MANBA: variants seen among roughly 807,000 people sequenced by gnomAD.
MANBA encodes the protein mannosidase beta.
A neutral mutation model predicts 111.1 loss-of-function variants in MANBA; 83 were observed. That is an observed-to-expected ratio of 0.75 (90% CI 0.63 to 0.90). The LOEUF (loss-of-function observed/expected upper bound fraction) is 0.90, where lower values mean the gene tolerates loss of function less well. Ranked by LOEUF, MANBA falls within the 40% of genes least tolerant of loss-of-function variation. The probability of loss-of-function intolerance (pLI) is 0.00; values close to 1 mark genes in which losing one functional copy is unlikely to be tolerated. For synonymous variants in MANBA, 370 were observed against 378.7 expected (o/e 0.98, Z 0.27); for missense variants, 1,036 against 1,069.0 (o/e 0.97, Z 0.43).
In MANBA at chr4:102,634,897, C is replaced by T. The variant is rs1173678046; in HGVS notation, c.2306G>A (p.Cys769Tyr). Residue 769 changes from cysteine (C) to tyrosine (Y), a missense_variant, in exon 16 of 17, where the codon TGT (cysteine) becomes TAT (tyrosine). Cys to Tyr is a radical substitution (Grantham distance 194, BLOSUM62 -2). Coordinates refer to ENST00000647097, the MANE Select transcript of MANBA (RefSeq NM_005908.4). ...AGCTGAAAGGTAAAAGGAAACCACA[C>T]AGCTTTCCCGTGTGCAATTCCCACA... ...RRCGNCTRES[C>Y]VVSFYLSADH... 2 of 1,614,230 alleles carry T rather than the reference C, an allele frequency of 1.2e-6. No individual in the cohort carries two copies. Among genetic ancestry groups the T allele is most frequent in the Admixed American group, 1.7e-5 (1 of 60,022 alleles).
At chr4:102,750,664 A>G (rs1245680439) in intron 1 of MANBA, among the ~76,000 whole-genome samples, 1 of 152,164 alleles carries the variant, frequency 6.6e-6, no homozygotes, top group Non-Finnish European at 1.5e-5. Context: ...TGTAATCCCT[A>G]CACTTTGGGA....
chr4:102,664,571 C>T (rs892503510), intron 11 of MANBA, 114 bp downstream of exon 11: 301 of 910,612 alleles, frequency 3.3e-4, no homozygotes, highest in Non-Finnish European at 4.9e-4. Flanking sequence ...ATCTCCTGAC[C>T]TTGTGATCCG....
rs977224425 is a variant in MANBA at position 102,649,615 on chromosome 4, T to C, written c.1869+922A>G. On this transcript the variant is annotated intron_variant, in intron 13 of 16. Coordinates refer to ENST00000647097, the MANE Select transcript of MANBA (RefSeq NM_005908.4). ...TTAAATAGATTGTCTGACTTTTTCT[T>C]ATTGCTTTATTCTGGATACAAATCT... Among the ~76,000 whole-genome samples, 8 of 152,310 alleles carry C rather than the reference T, an allele frequency of 5.3e-5. No individual in the cohort carries two copies. In the East Asian group the frequency reaches 1.5e-3, roughly 29 times the overall value.
At chr4:102,684,103 T>A (rs1732101269) in intron 7 of MANBA, among the ~76,000 whole-genome samples, 1 of 148,748 alleles carries the variant, frequency 6.7e-6, no homozygotes, top group East Asian at 1.9e-4. Context: ...CCTGATATAC[T>A]CAGTTAAAAA....
Position 102,635,042 on chromosome 4 carries a change from T to A in MANBA, c.2161A>T (p.Arg721Ter). ...HSDYSMTLSV[R>*]VHTWSSLEPV... ...TCCAGGGAGCTCCATGTATGGACTC[T>A]CACCTGGGGAGAAATAAAACAGAAT... is the stretch of plus-strand genomic sequence containing the variant. Residue 721 changes from arginine to a stop codon, truncating the protein, a stop_gained, in exon 16 of 17, where the codon AGA becomes TGA. Coordinates refer to ENST00000647097, the MANE Select transcript of MANBA (RefSeq NM_005908.4). LOFTEE classifies it high-confidence loss of function. 1 of 1,614,042 alleles carries A rather than the reference T, an allele frequency of 6.2e-7. No individual in the cohort carries two copies.
rs376032278 is a variant in MANBA at position 102,689,708 on chromosome 4, C to T, written c.850-24G>A. On this transcript the variant is annotated intron_variant, in intron 6 of 16. Transcript: ENST00000647097. ...TTCTTTTAAGAAAATTTAAAAGTCA[C>T]TCTAATATGTCATATTTTCAGCAAA... 103 of 1,346,738 alleles carry T rather than the reference C, an allele frequency of 7.6e-5. 2 individuals are homozygous for T. In the Middle Eastern group the frequency reaches 1.3e-3, roughly 16 times the overall value. 83.4% of individuals were successfully genotyped at this position (1,346,738 alleles called of 1,614,324 possible).
chr4:102,632,245 C>G lies in MANBA; in HGVS notation c.2452G>C (p.Asp818His), dbSNP rs755476772. Residue 818 changes from aspartate to histidine, a missense_variant, in exon 17 of 17, where the codon GAC (aspartate) becomes CAC (histidine). By Grantham distance (81) the Asp-to-His change is moderately conservative. Coordinates refer to ENST00000647097, the MANE Select transcript of MANBA (RefSeq NM_005908.4). ...GGAGCGACAGCTGAGGTCTCCAGGT[C>G]AAAAACAAATATGTCACCTTGCTGA... ...ISQQGDIFVF[D>H]LETSAVAPFV... 5 of 1,611,414 alleles carry G rather than the reference C, an allele frequency of 3.1e-6. No homozygotes were observed. The Admixed American group carries it at 8.4e-5, about 27-fold the overall frequency.
At chr4:102,654,153 A>G (rs2110206612) in intron 12 of MANBA, among the ~76,000 whole-genome samples, 1 of 152,264 alleles carries the variant, frequency 6.6e-6, no homozygotes, top group East Asian at 1.9e-4. Context: ...AGTACGTGGT[A>G]CACAGCAATT....
In MANBA at chr4:102,673,793, G is replaced by A. The variant is rs6827148; in HGVS notation, c.1112+126C>T. ...TCCTGTCCATTCTGAAGTTTCCATCGTCTAGAATTCTATACTACCTCTTAG... is the reference window on the plus strand; with the variant it reads ...TCCTGTCCATTCTGAAGTTTCCATCATCTAGAATTCTATACTACCTCTTAG... On this transcript the variant is annotated intron_variant, in intron 8 of 16. Coordinates refer to ENST00000647097, the MANE Select transcript of MANBA (RefSeq NM_005908.4). 0.019 allele frequency: 16,005 copies of A among 860,528 alleles called. 1,448 individuals carry two copies. The African/African-American group carries it at 0.22, about 12-fold the overall frequency. The allele number at this position is 860,528 out of a possible 1,614,324, so 53.3% of individuals were successfully genotyped here.
intron 1 of MANBA, among the ~76,000 whole-genome samples, chr4:102,746,984 AAAAG>A (rs1723610911): frequency 6.6e-6 from 1 of 151,598 alleles, no homozygotes; most frequent in African/African-American, 2.4e-5. Context: ...AAAAAAAAAA[AAAAG>A]AAAGAAAAAG....
At chr4:102,752,608 A>T (rs776543293) in intron 1 of MANBA, 1 of 610,210 alleles carries the variant, frequency 1.6e-6, no homozygotes, top group Non-Finnish European at 3.2e-6. Flanking sequence ...ATTCCTACAG[A>T]TATTCACCTA....
chr4:102,669,143 A>G, intron 9 of MANBA, 94 bp from the exon 10 acceptor site: 1 of 993,284 alleles, frequency 1.0e-6, no homozygotes, highest in Admixed American at 2.0e-5. Context: ...TATCTTTCAC[A>G]CAAATGAAAA....
intron 16 of MANBA, among the ~76,000 whole-genome samples, chr4:102,634,526 C>T (rs1222676954): frequency 8.5e-5 from 13 of 152,238 alleles, no homozygotes; most frequent in Admixed American, 8.5e-4. Context: ...AGCTTCCTCT[C>T]CCATCACTGC....
chr4:102,640,781 A>C (rs1307597735), intron 13 of MANBA, among the ~76,000 whole-genome samples: 1 of 152,364 alleles, frequency 6.6e-6, no homozygotes, highest in Non-Finnish European at 1.5e-5. Context: ...AAAAGCTCAG[A>C]TAAAGGTAGA....
At chr4:102,690,568 G>A (rs1389533221) in intron 6 of MANBA, 28 bp downstream of exon 6, 1 of 1,598,808 alleles carries the variant, frequency 6.3e-7, no homozygotes, top group Non-Finnish European at 8.6e-7. Flanking sequence ...TTTTCATCCA[G>A]TGCTTCTCAG....
At chr4:102,760,137 T>A (rs1050813614) in intron 1 of MANBA, among the ~76,000 whole-genome samples, 7 of 152,040 alleles carry the variant, frequency 4.6e-5, no homozygotes, top group African/African-American at 1.7e-4. Context: ...AGCACCTTTC[T>A]TCATCACCAA....
chr4:102,672,017 C>T lies in MANBA; in HGVS notation c.1113-619G>A, dbSNP rs1731520150. The stretch of plus-strand genomic sequence containing the variant: ...CACCACGGCAGGCTTACCAATTGGC[C>T]CAGTTGGGCTGAAGGACCACAGCCA... On this transcript the variant is annotated intron_variant, in intron 8 of 16. Transcript: ENST00000647097. 6 of 398,882 alleles carry T rather than the reference C, an allele frequency of 1.5e-5. No homozygotes were observed. The East Asian group carries it at 1.8e-4, about 12-fold the overall frequency. 24.7% of individuals were successfully genotyped at this position (398,882 alleles called of 1,614,324 possible).
intron 4 of MANBA, among the ~76,000 whole-genome samples, chr4:102,716,804 T>G (rs1038544967): frequency 3.3e-5 from 5 of 152,182 alleles, no homozygotes; most frequent in Admixed American, 1.3e-4. Context: ...CTAGATGGAG[T>G]CATTTGTGAA....
chr4:102,651,222 T>C (rs1473092871), intron 12 of MANBA, among the ~76,000 whole-genome samples: 2 of 152,062 alleles, frequency 1.3e-5, no homozygotes, highest in Non-Finnish European at 2.9e-5. Context: ...CAGTGATTAC[T>C]AAATGAAACT....
Sources: allele counts gnomAD v4.1 joint callset (sites outside exome capture counted in the v4.1 genomes callset), GRCh38; gene constraint gnomAD v4.1.1; transcripts MANE v1.5; gene names NCBI Gene and HGNC (gene_info 2026-07-23, HGNC 2026-07-21).